The following ZMYND11 variants were observed in gnomAD, a reference collection of about 807,000 sequenced individuals.
The protein encoded by ZMYND11 is zinc finger MYND-type containing 11, also known as zinc finger MYND domain-containing protein 11.
Under a neutral mutation model 84.9 loss-of-function variants are expected in ZMYND11, and 9 were observed. The observed-to-expected ratio is 0.11, with a 90% CI of 0.06 to 0.18. The LOEUF (loss-of-function observed/expected upper bound fraction) is 0.18. Ranked by LOEUF, ZMYND11 falls within the 10% of genes least tolerant of loss-of-function variation. The pLI is 1.00. For synonymous variants in ZMYND11, 250 were observed against 244.1 expected (o/e 1.02, Z -0.23); for missense variants, 409 against 761.0 (o/e 0.54, Z 5.44).
At chr10:150,124 CAT>C (rs1442801299) in intron 1 of ZMYND11, among the ~76,000 whole-genome samples, 2 of 152,180 alleles carry the variant, frequency 1.3e-5, no homozygotes, top group Non-Finnish European at 2.9e-5. Flanking sequence ...ATGCTGGCCT[CAT>C]AAAATGAGTT....
At chr10:175,678 C>A (rs1258894018) in intron 1 of ZMYND11, among the ~76,000 whole-genome samples, 1 of 151,974 alleles carries the variant, frequency 6.6e-6, no homozygotes, top group Non-Finnish European at 1.5e-5. Context: ...GAATACATAG[C>A]TAGATTTCAG....
chr10:207,780 G>T (rs28838966), intron 2 of ZMYND11, among the ~76,000 whole-genome samples: 15,439 of 152,064 alleles, frequency 0.1, 881 homozygotes, highest in African/African-American at 0.15. Context: ...TTTCTTCACA[G>T]AATTGGAAAA....
chr10:132,231 T>C (rs1835327322), upstream of ZMYND11, among the ~76,000 whole-genome samples: 1 of 150,922 alleles, frequency 6.6e-6, no homozygotes, highest in Non-Finnish European at 1.5e-5. Flanking sequence ...GTGGAAGCTT[T>C]GTTCTTTCGC....
intron 2 of ZMYND11, among the ~76,000 whole-genome samples, chr10:196,192 C>G (rs1486089939): frequency 6.6e-6 from 1 of 152,146 alleles, no homozygotes; most frequent in East Asian, 1.9e-4. Context: ...GCCAGATTAT[C>G]AAAATGCAAA....
At chr10:245,482 A>T (rs998111270) in intron 10 of ZMYND11, among the ~76,000 whole-genome samples, 2 of 152,200 alleles carry the variant, frequency 1.3e-5, no homozygotes, top group Non-Finnish European at 1.5e-5. Context: ...TATCATATAT[A>T]CTTATAGCAG....
rs112907978 is a variant in ZMYND11, at chr10:197,049, A to G, written c.117-12840A>G. On this transcript the variant is annotated intron_variant, in intron 2 of 14. Coordinates refer to ENST00000381604, the MANE Select transcript of ZMYND11 (RefSeq NM_001370100.5). ...GTGCTTTTAGTTCACGTGTGTGCCC[A>G]CGTGCGCAATGTGTTCATGTATGTG... Among the ~76,000 whole-genome samples, 1,133 of 150,518 alleles carry G rather than the reference A, an allele frequency of 7.5e-3. 12 individuals are homozygous for G. Among genetic ancestry groups the G allele is most frequent in the African/African-American group, 0.026 (1,079 of 40,892 alleles).
At chr10:171,814 A>G (rs1438101306) in intron 1 of ZMYND11, among the ~76,000 whole-genome samples, 2 of 152,210 alleles carry the variant, frequency 1.3e-5, no homozygotes, top group East Asian at 3.8e-4. Context: ...CATTAAGATC[A>G]GGAACAAGGC....
intron 4 of ZMYND11, among the ~76,000 whole-genome samples, chr10:234,981 A>AATGTGTGTGTGT (rs1949690285): frequency 1.6e-5 from 1 of 62,828 alleles, no homozygotes; most frequent in Admixed American, 1.7e-4. Flanking sequence ...GTATTTCGCA[A>AATGTGTGTGTGT]ATGTGTGTGT....
Position 248,613 on chromosome 10 carries a change from T to C in ZMYND11, c.1500+5T>C. On this transcript the variant is annotated splice_donor_5th_base_variant and intron_variant, in intron 13 of 14. Coordinates refer to ENST00000381604, the MANE Select transcript of ZMYND11 (RefSeq NM_001370100.5). Reference sequence around the variant, plus strand: ...GTCCGAGAAGCTCTGGAGAAGGTAATGCTTGTCGCCACTGTGGGTGCCCTG... The same window carrying C: ...GTCCGAGAAGCTCTGGAGAAGGTAACGCTTGTCGCCACTGTGGGTGCCCTG... The C allele has an allele frequency of 1.3e-6, 2 of 1,594,402 alleles. No homozygotes were observed. Among genetic ancestry groups the C allele is most frequent in the Middle Eastern group, 1.7e-4 (1 of 5,990 alleles).
chr10:203,441 A>G (rs576191123), intron 2 of ZMYND11, among the ~76,000 whole-genome samples: 2 of 152,348 alleles, frequency 1.3e-5, no homozygotes, highest in East Asian at 3.9e-4. Flanking sequence ...TATTAAAGAC[A>G]TAGAAAAATA....
chr10:211,837 AG>A (rs1945301145), intron 3 of ZMYND11, among the ~76,000 whole-genome samples: 1 of 152,224 alleles, frequency 6.6e-6, no homozygotes, highest in African/African-American at 2.4e-5. Flanking sequence ...GAAGAAACTT[AG>A]GGTGCCAAGA....
At chr10:178,520 T>G (rs1847158840) in intron 1 of ZMYND11, among the ~76,000 whole-genome samples, 2 of 152,222 alleles carry the variant, frequency 1.3e-5, no homozygotes, top group Non-Finnish European at 2.9e-5. Flanking sequence ...CAAGTGCACT[T>G]AAACAGATAA....
chr10:162,617 ATTC>A (rs1189401478), intron 1 of ZMYND11, among the ~76,000 whole-genome samples: 4 of 152,172 alleles, frequency 2.6e-5, no homozygotes, highest in African/African-American at 4.8e-5. Flanking sequence ...AGGTGATGAT[ATTC>A]TTCTTAGTTC....
rs551328973 is a variant in ZMYND11 at position 230,512 on chromosome 10, C to T, written c.439-6326C>T. On this transcript the variant is annotated intron_variant, in intron 4 of 14. Coordinates refer to ENST00000381604, the MANE Select transcript of ZMYND11 (RefSeq NM_001370100.5). Reference sequence around the variant, plus strand: ...AAAAAAAAAAAAAAACTACAGCCTCCAGGGTTCTACCCCAGACAGGCTCTG... The same window carrying T: ...AAAAAAAAAAAAAAACTACAGCCTCTAGGGTTCTACCCCAGACAGGCTCTG... Among the ~76,000 whole-genome samples the T allele has an allele frequency of 2.9e-3, 419 of 142,510 alleles. No individual in the cohort carries two copies. The Middle Eastern group carries it at 0.033, about 11-fold the overall frequency. 93.5% of individuals were successfully genotyped at this position (142,510 alleles called of 152,430 possible). A position where few individuals can be genotyped will look rare whatever the true frequency, so the allele number is the denominator to read the frequency against.
rs555717877 is a variant in ZMYND11, at chr10:175,621, C to T, written c.-19-4373C>T. 6.6e-5 allele frequency among the ~76,000 whole-genome samples: 10 copies of T among 152,210 alleles called. No homozygotes were observed. In the South Asian group the frequency reaches 1.9e-3, roughly 28 times the overall value. ...CTACAAAATATAATTGCGTATTTTT[C>T]TGATTTGAGTGTAGAAGGACTTCTG... On this transcript the variant is annotated intron_variant, in intron 1 of 14. Transcript: ENST00000381604.
chr10:175,189 T>C (rs1846324673), intron 1 of ZMYND11, among the ~76,000 whole-genome samples: 1 of 152,232 alleles, frequency 6.6e-6, no homozygotes, highest in African/African-American at 2.4e-5. Flanking sequence ...GGGGAGGCTG[T>C]GCATGTGCAT....
Position 239,455 on chromosome 10 carries a change from A to G in ZMYND11, c.627A>G (p.Lys209=). The G allele has an allele frequency of 1.9e-6, 3 of 1,613,604 alleles. No homozygotes were observed. Among genetic ancestry groups the G allele is most frequent in the Non-Finnish European group, 2.5e-6 (3 of 1,179,796 alleles). ...PTIQEKVNEG[K]YRSYEEFKAD... ...CTCTGCAGAAAGTGAATGAAGGGAA[A>G]TACCGAAGTTATGAAGAGTTCAAAG... The change falls in exon 7 of 15, where the codon AAA becomes AAG. Residue 209 remains lysine (K), a synonymous_variant. Coordinates refer to ENST00000381604, the MANE Select transcript of ZMYND11 (RefSeq NM_001370100.5).
upstream of ZMYND11, among the ~76,000 whole-genome samples, chr10:130,285 T>C (rs1249156001): frequency 6.6e-6 from 1 of 152,144 alleles, no homozygotes; most frequent in Admixed American, 6.5e-5. Context: ...GTTGGGCTGC[T>C]GGGTCTGTGG....
intron 3 of ZMYND11, among the ~76,000 whole-genome samples, chr10:220,968 C>T (rs1947053769): frequency 6.6e-6 from 1 of 152,162 alleles, no homozygotes; most frequent in Non-Finnish European, 1.5e-5. Context: ...ACTGGTTTTG[C>T]TATCACATTA....
Sources: gnomAD v4.1 joint callset for allele counts (sites outside exome capture counted in the v4.1 genomes callset) on GRCh38, gnomAD v4.1.1 for gene constraint, MANE v1.5 for transcripts, NCBI Gene and HGNC (gene_info 2026-07-23, HGNC 2026-07-21) for gene names.